PTPRD: variants seen among roughly 807,000 people sequenced by gnomAD.
PTPRD encodes the protein receptor-type tyrosine-protein phosphatase delta.
In PTPRD, 34 loss-of-function variants were observed where a neutral mutation model predicts 214.5. The ratio of observed to expected loss-of-function variants is 0.16; its 90% CI spans 0.12 to 0.21. The LOEUF (loss-of-function observed/expected upper bound fraction) is 0.21. Ranked by LOEUF, PTPRD falls within the 10% of genes least tolerant of loss-of-function variation. The probability of loss-of-function intolerance (pLI) is 1.00; values close to 1 mark genes in which losing one functional copy is unlikely to be tolerated. For synonymous variants in PTPRD, 1,128 were observed against 845.7 expected, an observed-to-expected ratio of 1.33 and a Z score of -5.79; for missense variants, 2,545 against 2,398.7, an observed-to-expected ratio of 1.06 and a Z score of -1.27.
chr9:10,208,296 C>T (rs1341829571), intron 3 of PTPRD, among the ~76,000 whole-genome samples: 23 of 152,302 alleles, frequency 1.5e-4, no homozygotes, highest in East Asian at 9.7e-4. Flanking sequence ...GGGCGGATCA[C>T]GAGGTCAGGA....
rs2086113856 is a variant in PTPRD, at chr9:9,930,523, T to C, written c.-368+7984A>G. Among the ~76,000 whole-genome samples the C allele has an allele frequency of 2.0e-5, 3 of 152,236 alleles. No individual in the cohort carries two copies. The South Asian group carries it at 6.2e-4, about 32-fold the overall frequency. ...CAACTCATTCATGTGTCACTCAAAC[T>C]GGATAAAGAACTGCAGAAAAAGCAT... On this transcript the variant is annotated intron_variant, in intron 5 of 45. Coordinates refer to ENST00000381196, the MANE Select transcript of PTPRD (RefSeq NM_002839.4).
chr9:8,554,238 G>A (rs1464268175), intron 14 of PTPRD, among the ~76,000 whole-genome samples: 1 of 151,912 alleles, frequency 6.6e-6, no homozygotes. Flanking sequence ...GGGAAGGAAG[G>A]ATTTAAAAAA....
At chr9:8,465,759 G>C (rs1055336219) in intron 31 of PTPRD, 84 bp from the exon 32 acceptor site, 11 of 1,191,764 alleles carry the variant, frequency 9.2e-6, no homozygotes, top group Non-Finnish European at 1.3e-5. Flanking sequence ...AATTAATTCA[G>C]AACTGGGAAC....
At chr9:9,344,353 G>A (rs1391432968) in intron 9 of PTPRD, among the ~76,000 whole-genome samples, 2 of 152,004 alleles carry the variant, frequency 1.3e-5, no homozygotes, top group Non-Finnish European at 2.9e-5. Flanking sequence ...GGGAGATAGA[G>A]CATTAGGACA....
At chr9:8,333,774 T>TAAAG in intron 43 of PTPRD, among the ~76,000 whole-genome samples, 1 of 148,620 alleles carries the variant, frequency 6.7e-6, no homozygotes, top group African/African-American at 2.4e-5. Context: ...GGATAAAGAG[T>TAAAG]AAAGACCCAT....
At chr9:8,329,710 G>A (rs769014437) in intron 44 of PTPRD, among the ~76,000 whole-genome samples, 4 of 152,144 alleles carry the variant, frequency 2.6e-5, no homozygotes, top group African/African-American at 7.2e-5. Context: ...TTTCAGAGAT[G>A]CCCTGCCCAG....
chr9:8,346,511 A>G (rs1314624232), intron 39 of PTPRD, among the ~76,000 whole-genome samples: 1 of 152,112 alleles, frequency 6.6e-6, no homozygotes, highest in Non-Finnish European at 1.5e-5. Context: ...ACTTTTCTGA[A>G]AAGTGTGGTG....
intron 11 of PTPRD, among the ~76,000 whole-genome samples, chr9:8,849,180 T>C (rs950748869): frequency 4.1e-5 from 6 of 145,452 alleles, no homozygotes; most frequent in African/African-American, 1.6e-4. Flanking sequence ...AATTTTTTTT[T>C]TTTTTTTTTT....
chr9:10,343,855 C>A (rs955978015), intron 2 of PTPRD, among the ~76,000 whole-genome samples: 8 of 150,802 alleles, frequency 5.3e-5, no homozygotes, highest in Admixed American at 1.3e-4. Flanking sequence ...TTTGTTTGAG[C>A]TCTTCGTTTT....
intron 9 of PTPRD, among the ~76,000 whole-genome samples, chr9:9,224,960 C>T (rs1240501283): frequency 1.3e-5 from 2 of 151,942 alleles, no homozygotes; most frequent in African/African-American, 4.8e-5. Flanking sequence ...ATTTGATTGA[C>T]TTCCTGTTAC....
intron 14 of PTPRD, among the ~76,000 whole-genome samples, chr9:8,579,552 A>T (rs1185210619): frequency 6.6e-6 from 1 of 152,206 alleles, no homozygotes; most frequent in African/African-American, 2.4e-5. Context: ...AAAGTATAAA[A>T]AACCCACAGT....
At chr9:10,144,825 G>A (rs1036508614) in intron 3 of PTPRD, among the ~76,000 whole-genome samples, 1 of 152,048 alleles carries the variant, frequency 6.6e-6, no homozygotes, top group Admixed American at 6.6e-5. Context: ...ATTTCAGAAT[G>A]AAATTTGGCA....
intron 4 of PTPRD, among the ~76,000 whole-genome samples, chr9:10,026,207 C>A (rs1252039276): frequency 3.3e-5 from 5 of 152,096 alleles, no homozygotes; most frequent in Non-Finnish European, 5.9e-5. Context: ...TGTCCCAAAG[C>A]CAAACATTCT....
chr9:9,813,450 T>C (rs2047785354), intron 5 of PTPRD, among the ~76,000 whole-genome samples: 1 of 151,916 alleles, frequency 6.6e-6, no homozygotes, highest in African/African-American at 2.4e-5. Flanking sequence ...ATCTAAGAAC[T>C]TATGCCATAG....
chr9:9,414,567 T>A (rs1274253064), intron 8 of PTPRD, among the ~76,000 whole-genome samples: 3 of 152,208 alleles, frequency 2.0e-5, no homozygotes, highest in Non-Finnish European at 4.4e-5. Flanking sequence ...ATGGTGAGTG[T>A]TGGTTTTTAA....
At chr9:10,206,520 G>A (rs979442033) in intron 3 of PTPRD, among the ~76,000 whole-genome samples, 2 of 152,146 alleles carry the variant, frequency 1.3e-5, no homozygotes, top group Non-Finnish European at 2.9e-5. Flanking sequence ...ATCTGTTTTT[G>A]ATGGTAATAA....
intron 4 of PTPRD, among the ~76,000 whole-genome samples, chr9:9,970,657 C>A (rs1241575176): frequency 6.6e-6 from 1 of 152,002 alleles, no homozygotes; most frequent in African/African-American, 2.4e-5. Flanking sequence ...TAGGTAGTTA[C>A]AGAGAACATG....
chr9:9,606,248 G>A (rs1396842727), intron 7 of PTPRD, among the ~76,000 whole-genome samples: 1 of 152,014 alleles, frequency 6.6e-6, no homozygotes, highest in Non-Finnish European at 1.5e-5. Flanking sequence ...CTTTATCGAT[G>A]GAGATGTCAT....
chr9:8,532,560 A>G (rs1264402453), intron 14 of PTPRD, among the ~76,000 whole-genome samples: 1 of 152,126 alleles, frequency 6.6e-6, no homozygotes, highest in Non-Finnish European at 1.5e-5. Flanking sequence ...AAACTTTTAC[A>G]TGAGGTGAAA....
Sources: allele counts gnomAD v4.1 joint callset (sites outside exome capture counted in the v4.1 genomes callset), GRCh38; gene constraint gnomAD v4.1.1; transcripts MANE v1.5; gene names NCBI Gene and HGNC (gene_info 2026-07-23, HGNC 2026-07-21).